PNPLA4: variants seen among roughly 807,000 people sequenced by gnomAD.
The protein encoded by PNPLA4 is patatin like domain 4, phospholipase and triacylglycerol lipase, also known as patatin-like phospholipase domain-containing protein 4.
A neutral mutation model predicts 18.3 loss-of-function variants in PNPLA4; 15 were observed. The ratio of observed to expected loss-of-function variants is 0.82; its 90% CI spans 0.55 to 1.26. The LOEUF (loss-of-function observed/expected upper bound fraction) is 1.26. Among genes scored for constraint, PNPLA4 ranks in the 50% most tolerant of loss-of-function variants. PNPLA4 has a pLI of 0.00. For missense variants in PNPLA4, 229 were observed against 196.8 expected (o/e 1.16, Z -0.98); for synonymous variants, 88 against 85.6 (o/e 1.03, Z -0.16).
intron 2 of PNPLA4, among the ~76,000 whole-genome samples, chrX:7,924,823 T>G (rs1191860586): frequency 8.9e-6 from 1 of 112,182 alleles, no homozygotes; most frequent in Non-Finnish European, 1.9e-5. Context: ...AAACCAAGTC[T>G]ACATAACTCC....
chrX:7,919,303 C>T (rs915267228), intron 4 of PNPLA4, among the ~76,000 whole-genome samples: 1 of 112,826 alleles, frequency 8.9e-6, no homozygotes, highest in African/African-American at 3.2e-5. Flanking sequence ...TGGTATGGGT[C>T]CCACTGGGGA....
At chrX:7,927,675 G>T (rs182273487), upstream of PNPLA4, 444 of 112,798 alleles carry the variant, frequency 3.9e-3, 4 homozygotes, top group Admixed American at 0.014. Context: ...CCTTACCTGC[G>T]AGCAACTGAC....
At chrX:7,910,739 ATATCTCTGG>A (rs1276161256) in intron 5 of PNPLA4, among the ~76,000 whole-genome samples, 1 of 110,291 alleles carries the variant, frequency 9.1e-6, no homozygotes. Flanking sequence ...TATAAAATAC[ATATCTCTGG>A]TATGTGCTAA....
At position 7,926,089 on chromosome X, in the gene PNPLA4, A is replaced by G; in HGVS notation, c.31T>C (p.Cys11Arg). The G allele has an allele frequency of 1.7e-6, 2 of 1,210,955 alleles. No homozygotes were observed. The highest frequency in any genetic ancestry group is 2.2e-6 in the Non-Finnish European group (2 of 894,864). Residue 11 changes from cysteine to arginine, a missense_variant, in exon 2 of 7, where the codon TGT (cysteine) becomes CGT (arginine). Coordinates refer to ENST00000381042, the MANE Select transcript of PNPLA4 (RefSeq NM_004650.3). MKHINLSFAA[C>R]GFLGIYHLGA... ...AAGTGGTAAATGCCCAGAAATCCAC[A>G]CGCTGCAAATGATAGGTTGATGTGC...
At chrX:7,908,858 C>A (rs1461685383) in intron 5 of PNPLA4, among the ~76,000 whole-genome samples, 2 of 111,890 alleles carry the variant, frequency 1.8e-5, no homozygotes, top group African/African-American at 6.5e-5. Flanking sequence ...CCATCTTCCT[C>A]ACAGTTCTGG....
chrX:7,899,743 A>T lies in PNPLA4; in HGVS notation c.*943T>A, dbSNP rs1392444227. ...GTGGGGTTTAGGGGAGGAAGATGAG[A>T]GGGGATAAGCCTCTTCAAAATCTCC... On this transcript the variant is annotated 3_prime_UTR_variant, in exon 7 of 7. Coordinates refer to ENST00000381042, the MANE Select transcript of PNPLA4 (RefSeq NM_004650.3). 1 of 106,106 alleles carries T rather than the reference A, an allele frequency of 9.4e-6. No homozygotes were observed. The highest frequency in any genetic ancestry group is 1.9e-5 in the Non-Finnish European group (1 of 51,807). The allele number at this position is 106,106 out of a possible 1,213,427, so 8.7% of individuals were successfully genotyped here.
At chrX:7,914,469 C>T (rs1294552731) in intron 4 of PNPLA4, among the ~76,000 whole-genome samples, 1 of 111,810 alleles carries the variant, frequency 8.9e-6, no homozygotes, top group Non-Finnish European at 1.9e-5. Context: ...TAAACCTGAC[C>T]TTATCATCAA....
At chrX:7,912,221 C>T (rs1035444044) in intron 4 of PNPLA4, 128 bp from the exon 5 acceptor site, 8 of 413,503 alleles carry the variant, frequency 1.9e-5, no homozygotes, top group East Asian at 1.6e-4. Flanking sequence ...CAGCACTGCA[C>T]GTAATTACAT....
chrX:7,904,459 A>C (rs1923645639), intron 5 of PNPLA4, among the ~76,000 whole-genome samples: 1 of 112,020 alleles, frequency 8.9e-6, no homozygotes, highest in African/African-American at 3.2e-5. Flanking sequence ...CGGCTCCTTC[A>C]CAACCCTTGA....
chrX:7,907,522 C>G (rs1923744097), intron 5 of PNPLA4, among the ~76,000 whole-genome samples: 1 of 111,875 alleles, frequency 8.9e-6, no homozygotes, highest in Admixed American at 9.5e-5. Context: ...TGGATTTATT[C>G]TACCACTGGA....
At chrX:7,917,081 C>T (rs1221886972) in intron 4 of PNPLA4, among the ~76,000 whole-genome samples, 3 of 112,153 alleles carry the variant, frequency 2.7e-5, no homozygotes, top group South Asian at 3.7e-4. Flanking sequence ...TCCTCATGAA[C>T]GTAAGATTCA....
At position 7,927,380 on chromosome X, in the gene PNPLA4, G is replaced by A. The variant is rs1370316917; in HGVS notation, c.-108C>T. The A allele has an allele frequency of 6.2e-5, 7 of 113,335 alleles. No homozygotes were observed. The highest frequency in any genetic ancestry group is 5.6e-5 in the Non-Finnish European group (3 of 53,337). The allele number at this position is 113,335 out of a possible 1,213,427, so 9.3% of individuals were successfully genotyped here. On this transcript the variant is annotated 5_prime_UTR_variant, in exon 1 of 7. Coordinates refer to ENST00000381042, the MANE Select transcript of PNPLA4 (RefSeq NM_004650.3). ...TCAACGCCATTCCGCCACCAAGGCC[G>A]CGCTACGCTCTCCGCGAGCCGGCCC...
At chrX:7,916,280 T>C (rs1924042490) in intron 4 of PNPLA4, among the ~76,000 whole-genome samples, 1 of 111,463 alleles carries the variant, frequency 9.0e-6, no homozygotes, top group Non-Finnish European at 1.9e-5. Flanking sequence ...TTAAAATGTG[T>C]TTGGATTTCC....
intron 4 of PNPLA4, 28 bp downstream of exon 4, chrX:7,921,685 C>T: frequency 1.7e-6 from 2 of 1,187,742 alleles, no homozygotes; most frequent in Non-Finnish European, 2.3e-6. Flanking sequence ...TTGCTGATTT[C>T]TTCAAATAGG....
chrX:7,904,710 A>G (rs1254956848), intron 5 of PNPLA4, among the ~76,000 whole-genome samples: 2 of 112,538 alleles, frequency 1.8e-5, no homozygotes, highest in African/African-American at 6.5e-5. Context: ...ACTTCTGCCC[A>G]TGAATTCTCT....
At chrX:7,921,592 C>A in intron 4 of PNPLA4, 121 bp downstream of exon 4, 1 of 632,447 alleles carries the variant, frequency 1.6e-6, no homozygotes, top group Non-Finnish European at 2.5e-6. Flanking sequence ...AGCACTCAAC[C>A]ATCTATCGGG....
chrX:7,916,168 T>C (rs1924039491), intron 4 of PNPLA4, among the ~76,000 whole-genome samples: 1 of 112,143 alleles, frequency 8.9e-6, no homozygotes, highest in Non-Finnish European at 1.9e-5. Flanking sequence ...GCCATTGCAC[T>C]GTTAATTTAT....
At position 7,907,299 on chromosome X, in the gene PNPLA4, G is replaced by A. The variant is rs1453766802; in HGVS notation, c.477+4729C>T. 2.7e-5 allele frequency among the ~76,000 whole-genome samples: 3 copies of A among 112,204 alleles called. No individual in the cohort carries two copies. The East Asian group carries it at 8.4e-4, about 31-fold the overall frequency. Reference sequence around the variant, plus strand: ...CTCCCAAAGTGCTAGAATTACAGGCGTGAGCCACTGTGCCCAGCCAACCCT... The same window carrying A: ...CTCCCAAAGTGCTAGAATTACAGGCATGAGCCACTGTGCCCAGCCAACCCT... On this transcript the variant is annotated intron_variant, in intron 5 of 6. Coordinates refer to ENST00000381042, the MANE Select transcript of PNPLA4 (RefSeq NM_004650.3).
At chrX:7,906,258 C>T (rs1923701964) in intron 5 of PNPLA4, among the ~76,000 whole-genome samples, 1 of 111,877 alleles carries the variant, frequency 8.9e-6, no homozygotes. Context: ...TCCTTAGACA[C>T]AGGTGAGAAT....
Sources: allele counts gnomAD v4.1 joint callset (sites outside exome capture counted in the v4.1 genomes callset), GRCh38; gene constraint gnomAD v4.1.1; transcripts MANE v1.5; gene names NCBI Gene and HGNC (gene_info 2026-07-23, HGNC 2026-07-21).